CENPI: variants seen among roughly 807,000 people sequenced by gnomAD.
The protein encoded by CENPI is centromere protein I, also known as FSH primary response 1.
In CENPI, 4 loss-of-function variants were observed where a neutral mutation model predicts 60.4. That is an observed-to-expected ratio of 0.07 (90% CI 0.03 to 0.15). The LOEUF (loss-of-function observed/expected upper bound fraction) is 0.15, where lower values mean the gene tolerates loss of function less well. Among genes scored for constraint, CENPI ranks in the 10% least tolerant of loss-of-function variants. The pLI is 1.00. For missense variants in CENPI, 444 were observed against 534.5 expected (o/e 0.83, Z 1.67); for synonymous variants, 157 against 189.4 (o/e 0.83, Z 1.40).
At position 101,102,485 on chromosome X, in the gene CENPI, TTATATA is replaced by T. The variant is rs374865533; in HGVS notation, c.364+81_364+86del. 7.3e-3 allele frequency: 2,612 copies of T among 358,122 alleles called. 65 individuals carry two copies. The highest frequency in any genetic ancestry group is 0.016 in the Admixed American group (348 of 21,557). 29.5% of individuals were successfully genotyped at this position (358,122 alleles called of 1,213,427 possible). On this transcript the variant is annotated intron_variant, in intron 4 of 21. Transcript: ENST00000682095. ...TATTTTTTTCTTTTAAAAATAAATC[TTATATA>T]TATATACACACACACACACACACAC... is the stretch of plus-strand genomic sequence containing the variant.
rs775215237 is a variant in CENPI at position 101,147,749 on chromosome X, G to T, written c.1827-14G>T. 1 of 1,181,529 alleles carries T rather than the reference G, an allele frequency of 8.5e-7. No homozygotes were observed. Among genetic ancestry groups the T allele is most frequent in the East Asian group, 3.0e-5 (1 of 33,608 alleles). ...GCATGTTAAATGTTTCATTCTGTTT[G>T]TTTTTTCTGTTAGATATCGTAAAAA... On this transcript the variant is annotated splice_polypyrimidine_tract_variant and intron_variant, in intron 18 of 21. Transcript: ENST00000682095.
chrX:101,102,516 C>CACACACAT (rs778560144), intron 4 of CENPI, 105 bp downstream of exon 4: 2,700 of 208,657 alleles, frequency 0.013, 33 homozygotes, highest in African/African-American at 0.034. Flanking sequence ...CACACACACA[C>CACACACAT]ATATATATAT....
In CENPI at chrX:101,126,738, G is replaced by A; in HGVS notation, c.717G>A (p.Leu239=). Residue 239 remains leucine, a synonymous_variant, in exon 9 of 22, where the codon TTG becomes TTA. Transcript: ENST00000682095. ...TGCAGCCTCATCTCCAGGCTTTGTTGTCACTGTATAAGTTCTTTGCTCCTG... is the reference window on the plus strand; with the variant it reads ...TGCAGCCTCATCTCCAGGCTTTGTTATCACTGTATAAGTTCTTTGCTCCTG... ...MGMQPHLQAL[L]SLYKFFAPAL... is the part of the protein sequence containing the mutation. 1 of 1,208,736 alleles carries A rather than the reference G, an allele frequency of 8.3e-7. No homozygotes were observed. The highest frequency in any genetic ancestry group is 1.1e-6 in the Non-Finnish European group (1 of 893,339).
rs937629120 is a variant in CENPI at position 101,161,951 on chromosome X, T to C, written c.2136+382T>C. Among the ~76,000 whole-genome samples, 5 of 105,405 alleles carry C rather than the reference T, an allele frequency of 4.7e-5. No individual in the cohort carries two copies. In the Admixed American group the frequency reaches 5.0e-4, roughly 11 times the overall value. The allele number at this position is 105,405 out of a possible 115,157, so 91.5% of individuals were successfully genotyped here. The stretch of plus-strand genomic sequence containing the variant: ...GAGGCCTGGATTTTATTTTATTTTA[T>C]TTTTTTTGAGAAGGAGTCTTGCTCT... On this transcript the variant is annotated intron_variant, in intron 21 of 21. Transcript: ENST00000682095.
chrX:101,174,423 C>T, the CENPI span, among the ~76,000 whole-genome samples: 1 of 111,885 alleles, frequency 8.9e-6, no homozygotes, highest in East Asian at 2.8e-4. Flanking sequence ...ACCTAGGTGC[C>T]CATCAGTGGT....
rs1418938898 is a variant in CENPI, at chrX:101,163,581, TTGTATA to T, written c.*624_*629del. 1.7e-5 allele frequency: 2 copies of T among 114,650 alleles called. No homozygotes were observed. Among genetic ancestry groups the T allele is most frequent in the East Asian group, 5.6e-4 (2 of 3,581 alleles). The allele number at this position is 114,650 out of a possible 1,213,427, so 9.4% of individuals were successfully genotyped here. ...AACTGCTCTATTTTGTTTGTGTGTA[TTGTATA>T]TGTATATGTGTATGTGTGCGTGTAT... On this transcript the variant is annotated 3_prime_UTR_variant, in exon 22 of 22. Coordinates refer to ENST00000682095, the MANE Select transcript of CENPI (RefSeq NM_001386188.2).
intron 20 of CENPI, among the ~76,000 whole-genome samples, chrX:101,153,584 G>A (rs1056611215): frequency 9.0e-6 from 1 of 111,160 alleles, no homozygotes; most frequent in Admixed American, 9.6e-5. Flanking sequence ...ACCATGCCTG[G>A]CCCTTTGCTC....
intron 12 of CENPI, 86 bp from the exon 13 acceptor site, chrX:101,129,896 C>T: frequency 3.2e-6 from 2 of 622,724 alleles, no homozygotes; most frequent in Non-Finnish European, 5.1e-6. Context: ...TTTACTTTGT[C>T]ACTTGTCACT....
At chrX:101,170,572 AT>A (rs369624183), downstream of CENPI, among the ~76,000 whole-genome samples, 78 of 112,221 alleles carry the variant, frequency 7.0e-4, 1 homozygote, top group African/African-American at 2.3e-3. Context: ...ATATTCATAG[AT>A]TAGAAGACAA....
chrX:101,166,413 C>T (rs893855888), downstream of CENPI, among the ~76,000 whole-genome samples: 1 of 112,761 alleles, frequency 8.9e-6, no homozygotes, highest in African/African-American at 3.2e-5. Flanking sequence ...CTCGGCCTCC[C>T]GAAGTGTTGG....
downstream of CENPI, among the ~76,000 whole-genome samples, chrX:101,169,472 G>T (rs1343179118): frequency 1.8e-5 from 2 of 111,874 alleles, no homozygotes; most frequent in Non-Finnish European, 3.8e-5. Flanking sequence ...ACATGTTTGT[G>T]ATGATGCTGG....
chrX:101,102,490 T>TACACACACACAC lies in CENPI; in HGVS notation c.364+80_364+81insCACACACACACA, dbSNP rs776207901. ...TTTTCTTTTAAAAATAAATCTTATA[T>TACACACACACAC]ATATATACACACACACACACACACA... is the stretch of plus-strand genomic sequence containing the variant. On this transcript the variant is annotated intron_variant, in intron 4 of 21. Transcript: ENST00000682095. The TACACACACACAC allele has an allele frequency of 2.2e-4, 63 of 292,582 alleles. 2 individuals carry two copies. Among genetic ancestry groups the TACACACACACAC allele is most frequent in the Middle Eastern group, 1.2e-3 (1 of 811 alleles). The allele number at this position is 292,582 out of a possible 1,213,427, so 24.1% of individuals were successfully genotyped here. A position where few individuals can be genotyped will look rare whatever the true frequency, so the allele number is the denominator to read the frequency against.
chrX:101,112,196 T>G (rs1030514701), intron 6 of CENPI, among the ~76,000 whole-genome samples: 3 of 112,305 alleles, frequency 2.7e-5, no homozygotes, highest in Non-Finnish European at 3.8e-5. Context: ...AATCAAAGTT[T>G]GGAAAATTTG....
At chrX:101,119,064 C>T (rs1236188710) in intron 6 of CENPI, among the ~76,000 whole-genome samples, 1 of 111,039 alleles carries the variant, frequency 9.0e-6, no homozygotes, top group African/African-American at 3.3e-5. Context: ...CCTGTAATCT[C>T]AGCTACTTGG....
intron 20 of CENPI, among the ~76,000 whole-genome samples, chrX:101,152,271 G>T (rs943485607): frequency 9.1e-6 from 1 of 109,572 alleles, no homozygotes; most frequent in African/African-American, 3.3e-5. Flanking sequence ...CACCATGTTG[G>T]TCAGGCTGGT....
downstream of CENPI, among the ~76,000 whole-genome samples, chrX:101,168,189 C>G (rs978790399): frequency 8.9e-6 from 1 of 112,730 alleles, no homozygotes; most frequent in African/African-American, 3.2e-5. Context: ...GCTATTAGTT[C>G]CTGACTAAAT....
chrX:101,119,105 G>A (rs1039057767), intron 6 of CENPI, among the ~76,000 whole-genome samples: 26 of 111,393 alleles, frequency 2.3e-4, no homozygotes, highest in Non-Finnish European at 4.1e-4. Flanking sequence ...GCTTGAACCC[G>A]GGAGGCGGAG....
At chrX:101,152,353 C>T (rs969034694) in intron 20 of CENPI, among the ~76,000 whole-genome samples, 2 of 110,056 alleles carry the variant, frequency 1.8e-5, no homozygotes, top group African/African-American at 3.3e-5. Flanking sequence ...GTGACCCACC[C>T]GGCCTGGCCT....
At chrX:101,156,063 A>T (rs890190365) in intron 20 of CENPI, among the ~76,000 whole-genome samples, 1 of 108,538 alleles carries the variant, frequency 9.2e-6, no homozygotes, top group Non-Finnish European at 1.9e-5. Context: ...CCCAGGCTGG[A>T]GTGCAATGGC....
Sources: gnomAD v4.1 joint callset for allele counts (sites outside exome capture counted in the v4.1 genomes callset) on GRCh38, gnomAD v4.1.1 for gene constraint, MANE v1.5 for transcripts, NCBI Gene and HGNC (gene_info 2026-07-23, HGNC 2026-07-21) for gene names.